The following KIF7 variants were observed in gnomAD, a reference collection of about 807,000 sequenced individuals.
KIF7 encodes the protein kinesin-like protein KIF7.
A neutral mutation model predicts 135.7 loss-of-function variants in KIF7; 104 were observed. That is an observed-to-expected ratio of 0.77 (90% CI 0.65 to 0.90). The LOEUF (loss-of-function observed/expected upper bound fraction) is 0.90. KIF7 is among the 40% of genes least tolerant of loss of function. The pLI is 0.00. For synonymous variants in KIF7, 883 were observed against 809.4 expected (o/e 1.09, Z -1.54); for missense variants, 2,005 against 1,839.1 (o/e 1.09, Z -1.65).
intron 8 of KIF7, 25 bp from the exon 9 acceptor site, chr15:89,645,476 T>C: frequency 6.4e-7 from 1 of 1,569,780 alleles, no homozygotes; most frequent in Non-Finnish European, 8.7e-7. Context: ...CAGGAGGCCA[T>C]GCTCCTCCCC....
intron 1 of KIF7, chr15:89,619,646 A>C: frequency 6.5e-7 from 1 of 1,549,202 alleles, no homozygotes; most frequent in Non-Finnish European, 8.7e-7. Flanking sequence ...GTTTTGGACA[A>C]CATGAGAAAA....
At chr15:89,626,723 C>T (rs771562870), downstream of KIF7, among the ~76,000 whole-genome samples, 10 of 152,158 alleles carry the variant, frequency 6.6e-5, no homozygotes, top group Non-Finnish European at 1.5e-4. Context: ...ATTCAAACCA[C>T]AGGTACTTTG....
chr15:89,645,527 A>G, intron 8 of KIF7, 76 bp from the exon 9 acceptor site: 1 of 1,170,168 alleles, frequency 8.5e-7, no homozygotes, highest in African/African-American at 1.5e-5. Flanking sequence ...CCTGGAGGGA[A>G]GAAGAGAGGC....
upstream of KIF7, among the ~76,000 whole-genome samples, chr15:89,659,387 C>T (rs1964235757): frequency 6.8e-6 from 1 of 146,270 alleles, no homozygotes; most frequent in African/African-American, 2.5e-5. Flanking sequence ...GGTGACAGAG[C>T]AAGACCCTGT....
rs778312422 is a variant in KIF7 at position 89,648,250 on chromosome 15, G to A, written c.1443+5C>T. 8.2e-5 allele frequency: 124 copies of A among 1,511,080 alleles called. No homozygotes were observed. In the African/African-American group the frequency reaches 1.5e-3, roughly 19 times the overall value. The allele number at this position is 1,511,080 out of a possible 1,614,324, so 93.6% of individuals were successfully genotyped here. A position where few individuals can be genotyped will look rare whatever the true frequency, so the allele number is the denominator to read the frequency against. ...AACCACAACCACAACCTGTCCCTCGGCCACCTTTCGCCCGCCGGCCCCCTG... is the reference window on the plus strand; with the variant it reads ...AACCACAACCACAACCTGTCCCTCGACCACCTTTCGCCCGCCGGCCCCCTG... On this transcript the variant is annotated splice_donor_5th_base_variant and intron_variant, in intron 5 of 18. Transcript: ENST00000394412.
the KIF7 span, among the ~76,000 whole-genome samples, chr15:89,660,588 C>T: frequency 6.6e-6 from 1 of 152,168 alleles, no homozygotes. Context: ...TAGAAGGAAC[C>T]TCAACCCCTG....
intron 15 of KIF7, among the ~76,000 whole-genome samples, chr15:89,631,222 C>T (rs1294706954): frequency 6.6e-6 from 1 of 152,184 alleles, no homozygotes; most frequent in Non-Finnish European, 1.5e-5. Flanking sequence ...GGCAGGTACT[C>T]GAATGCAGCA....
At chr15:89,638,124 A>T (rs1437166876) in intron 11 of KIF7, among the ~76,000 whole-genome samples, 1 of 151,540 alleles carries the variant, frequency 6.6e-6, no homozygotes, top group Non-Finnish European at 1.5e-5. Flanking sequence ...ACAACTCTCA[A>T]TAAATTAGAT....
intron 1 of KIF7, among the ~76,000 whole-genome samples, chr15:89,619,067 A>G (rs1165431126): frequency 6.6e-6 from 1 of 152,232 alleles, no homozygotes; most frequent in Non-Finnish European, 1.5e-5. Flanking sequence ...GGAAACATGA[A>G]GCCAAAAATT....
At chr15:89,660,048 T>A (rs186346267), upstream of KIF7, among the ~76,000 whole-genome samples, 3,075 of 152,078 alleles carry the variant, frequency 0.02, 116 homozygotes, top group African/African-American at 0.07. Flanking sequence ...AATACAAAAA[T>A]TTAGCCTGGC....
intron 11 of KIF7, among the ~76,000 whole-genome samples, chr15:89,639,759 A>G (rs1330192450): frequency 6.6e-6 from 1 of 150,588 alleles, no homozygotes; most frequent in Non-Finnish European, 1.5e-5. Flanking sequence ...CTAGAACTAG[A>G]AATACCATTT....
Position 89,632,837 on chromosome 15 carries a change from G to A in KIF7, c.2878C>T (p.Arg960Cys), listed in dbSNP as rs766652877. The change falls in exon 14 of 19, where the codon CGC becomes TGC. Residue 960 changes from arginine to cysteine, a missense_variant. Coordinates refer to ENST00000394412, the MANE Select transcript of KIF7 (RefSeq NM_198525.3). ...MQEKTGLESKRLRSSQALNED... is the reference protein window; with the variant it reads ...MQEKTGLESKCLRSSQALNED... ...GGCCTCACCTGGCTGGATCTCAGGC[G>A]CTTGCTCTCCAGCCCCGTCTTCTCC... The A allele has an allele frequency of 3.2e-5, 52 of 1,606,840 alleles. No individual in the cohort carries two copies. The highest frequency in any genetic ancestry group is 1.8e-4 in the East Asian group (8 of 44,880).
At chr15:89,653,700 T>C (rs958593792) in intron 1 of KIF7, among the ~76,000 whole-genome samples, 2 of 152,168 alleles carry the variant, frequency 1.3e-5, no homozygotes, top group African/African-American at 4.8e-5. Context: ...ACCTCAGCCT[T>C]CAGAGTAGCC....
At position 89,649,036 on chromosome 15, in the gene KIF7, G is replaced by A. The variant is rs1313948596; in HGVS notation, c.861C>T (p.Ser287=). The A allele has an allele frequency of 7.1e-6, 11 of 1,548,226 alleles. No homozygotes were observed. Among genetic ancestry groups the A allele is most frequent in the South Asian group, 2.4e-5 (2 of 84,048 alleles). The change falls in exon 4 of 19, where the codon AGC becomes AGT. Residue 287 remains serine (S), a synonymous_variant. Coordinates refer to ENST00000394412, the MANE Select transcript of KIF7 (RefSeq NM_198525.3). ...SSLLALGNVI[S]ALGDPQRRGS... ...CCCGGCGCTGAGGGTCCCCCAGGGC[G>A]CTGATGACGTTGCCCAGCGCCAGGA...
chr15:89,650,683 C>T (rs536042367), intron 2 of KIF7, among the ~76,000 whole-genome samples: 5 of 152,204 alleles, frequency 3.3e-5, no homozygotes, highest in South Asian at 4.1e-4. Context: ...TGAGCCACCG[C>T]ACCTAACCAA....
In KIF7 at chr15:89,652,779, C is replaced by A. The variant is rs555261308; in HGVS notation, c.152G>T (p.Arg51Leu). Reference protein sequence around the residue: ...EPGLGRVTLGRDRHFGFHVVL... With the variant: ...EPGLGRVTLGLDRHFGFHVVL... ...CACGTGGAAGCCAAAGTGTCGGTCA[C>A]GGCCCAGAGTGACGCGGCCAAGCCC... The change falls in exon 2 of 19, where the codon CGT (arginine) becomes CTT (leucine). Residue 51 changes from arginine (R) to leucine (L), a missense_variant. Arg to Leu is a moderately radical substitution (Grantham distance 102, BLOSUM62 -2). Coordinates refer to ENST00000394412, the MANE Select transcript of KIF7 (RefSeq NM_198525.3). 6.4e-7 allele frequency: 1 copy of A among 1,551,532 alleles called. No homozygotes were observed.
upstream of KIF7, among the ~76,000 whole-genome samples, chr15:89,658,783 G>C (rs951038585): frequency 2.0e-5 from 3 of 151,618 alleles, no homozygotes; most frequent in Non-Finnish European, 4.4e-5. Flanking sequence ...AGGATAGCTC[G>C]AGCCCGAGAG....
chr15:89,625,346 C>T (rs1047252630), downstream of KIF7: 17 of 1,613,948 alleles, frequency 1.1e-5, no homozygotes, highest in Admixed American at 1.8e-4. Context: ...AAGACAACTC[C>T]AGACATAATT....
chr15:89,629,853 A>T, intron 16 of KIF7: 1 of 559,968 alleles, frequency 1.8e-6, no homozygotes, highest in South Asian at 2.1e-5. Flanking sequence ...GTGGGATTTC[A>T]TCTAGACCAA....
Sources: allele counts gnomAD v4.1 joint callset (sites outside exome capture counted in the v4.1 genomes callset), GRCh38; gene constraint gnomAD v4.1.1; transcripts MANE v1.5; gene names NCBI Gene and HGNC (gene_info 2026-07-23, HGNC 2026-07-21).